The following OR2C1 variants were observed in gnomAD, a reference collection of about 807,000 sequenced individuals.
OR2C1 encodes the protein olfactory receptor 2C1.
For missense variants in OR2C1, 468 were observed against 388.3 expected, an observed-to-expected ratio of 1.21 and a Z score of -1.73; for synonymous variants, 209 against 167.3, an observed-to-expected ratio of 1.25 and a Z score of -1.92.
chr16:3,339,555 T>G, the OR2C1 span, among the ~76,000 whole-genome samples: 1 of 152,100 alleles, frequency 6.6e-6, no homozygotes, highest in South Asian at 2.1e-4. Flanking sequence ...CTCCTGGGTT[T>G]ACGACATTCT....
At chr16:3,324,032 C>T in the OR2C1 span, 67 of 418,514 alleles carry the variant, frequency 1.6e-4, 1 homozygote, top group East Asian at 1.8e-3. Context: ...TTTGTACAAT[C>T]AACTGAATGA....
chr16:3,348,892 C>T, the OR2C1 span, among the ~76,000 whole-genome samples: 2 of 151,434 alleles, frequency 1.3e-5, no homozygotes, highest in African/African-American at 4.9e-5. Flanking sequence ...TATGTTGGAA[C>T]CAGAGAACTG....
the OR2C1 span, among the ~76,000 whole-genome samples, chr16:3,346,102 C>T: frequency 6.6e-5 from 10 of 152,196 alleles, no homozygotes; most frequent in Non-Finnish European, 1.2e-4. Context: ...CCAAAGTGCT[C>T]GGATTGCAGG....
chr16:3,334,926 C>G, the OR2C1 span, among the ~76,000 whole-genome samples: 1 of 151,926 alleles, frequency 6.6e-6, no homozygotes, highest in Non-Finnish European at 1.5e-5. Flanking sequence ...TCAAGTGATT[C>G]TCCTGCCTTA....
rs1025051378 is a variant in OR2C1, at chr16:3,356,606, T to G, written c.666T>G (p.Ala222=). The change falls in exon 1 of 1, where the codon GCT becomes GCG. Residue 222 remains alanine (A), a synonymous_variant. Transcript: ENST00000304936. ...SIIVISYCLI[A]QAVLKIRSAE... ...TCGTGATCTCCTACTGCCTCATTGC[T>G]CAGGCAGTGCTGAAAATCCGCTCTG... is the stretch of plus-strand genomic sequence containing the variant. 19 of 1,614,158 alleles carry G rather than the reference T, an allele frequency of 1.2e-5. No individual in the cohort carries two copies. The highest frequency in any genetic ancestry group is 1.6e-5 in the Non-Finnish European group (19 of 1,180,038).
At chr16:3,348,843 C>T in the OR2C1 span, among the ~76,000 whole-genome samples, 2 of 152,100 alleles carry the variant, frequency 1.3e-5, no homozygotes, top group Non-Finnish European at 2.9e-5. Flanking sequence ...CACAGGGTGC[C>T]CTGTGAGTGT....
At chr16:3,335,267 G>A in the OR2C1 span, among the ~76,000 whole-genome samples, 5 of 152,154 alleles carry the variant, frequency 3.3e-5, no homozygotes, top group Non-Finnish European at 5.9e-5. Flanking sequence ...ATTGCTTTGG[G>A]TAGTATTGTC....
chr16:3,342,084 C>G, the OR2C1 span, among the ~76,000 whole-genome samples: 1 of 152,144 alleles, frequency 6.6e-6, no homozygotes, highest in Non-Finnish European at 1.5e-5. Flanking sequence ...AACCCCATCT[C>G]TACTAAAAAT....
At chr16:3,339,900 C>T in the OR2C1 span, among the ~76,000 whole-genome samples, 7 of 152,178 alleles carry the variant, frequency 4.6e-5, no homozygotes, top group African/African-American at 1.7e-4. Context: ...TCCCCAATGA[C>T]TAATGATCTT....
rs2030693945 is a variant in OR2C1 at position 3,357,061 on chromosome 16, A to C, written c.*182A>C. The C allele has an allele frequency of 1.7e-6, 1 of 600,300 alleles. No homozygotes were observed. The highest frequency in any genetic ancestry group is 2.2e-5 in the South Asian group (1 of 44,478). 37.2% of individuals were successfully genotyped at this position (600,300 alleles called of 1,614,324 possible). A position where few individuals can be genotyped will look rare whatever the true frequency, so the allele number is the denominator to read the frequency against. Reference sequence around the variant, plus strand: ...GTTAGTGTTATTCGTAATGTTCTACACTTATTTACCAAAAATCCTACTGTG... The same window carrying C: ...GTTAGTGTTATTCGTAATGTTCTACCCTTATTTACCAAAAATCCTACTGTG... On this transcript the variant is annotated 3_prime_UTR_variant, in exon 1 of 1. Coordinates refer to ENST00000304936, the MANE Select transcript of OR2C1 (RefSeq NM_012368.3).
At chr16:3,324,096 A>G in the OR2C1 span, among the ~76,000 whole-genome samples, 1 of 152,384 alleles carries the variant, frequency 6.6e-6, no homozygotes, top group East Asian at 1.9e-4. Flanking sequence ...GTTCACAAAG[A>G]CAAAATTAAA....
the OR2C1 span, among the ~76,000 whole-genome samples, chr16:3,330,629 T>C: frequency 6.6e-5 from 10 of 152,334 alleles, no homozygotes; most frequent in South Asian, 2.1e-4. Context: ...TATGTGATGA[T>C]TGAATACATT....
At chr16:3,328,027 A>G in the OR2C1 span, among the ~76,000 whole-genome samples, 2 of 152,172 alleles carry the variant, frequency 1.3e-5, no homozygotes, top group Non-Finnish European at 2.9e-5. Flanking sequence ...TCCCTATTCT[A>G]CTTTCTTCCT....
At chr16:3,330,568 C>T in the OR2C1 span, among the ~76,000 whole-genome samples, 1 of 151,880 alleles carries the variant, frequency 6.6e-6, no homozygotes, top group Non-Finnish European at 1.5e-5. Context: ...TTTTTTTTGC[C>T]TTGTGAACCA....
At chr16:3,327,183 A>G in the OR2C1 span, among the ~76,000 whole-genome samples, 1 of 152,006 alleles carries the variant, frequency 6.6e-6, no homozygotes, top group Non-Finnish European at 1.5e-5. Flanking sequence ...GAACCCCCTC[A>G]AGGCCTTAAA....
the OR2C1 span, among the ~76,000 whole-genome samples, chr16:3,336,606 C>G: frequency 6.6e-6 from 1 of 151,400 alleles, no homozygotes; most frequent in Middle Eastern, 3.4e-3. Flanking sequence ...GGTGATCTGA[C>G]TGCCTCGGCC....
At chr16:3,331,125 C>A in the OR2C1 span, among the ~76,000 whole-genome samples, 2 of 152,174 alleles carry the variant, frequency 1.3e-5, no homozygotes, top group Non-Finnish European at 2.9e-5. Context: ...ATTTGCATTT[C>A]TCTGATGGCC....
At chr16:3,348,602 G>A in the OR2C1 span, among the ~76,000 whole-genome samples, 17 of 152,268 alleles carry the variant, frequency 1.1e-4, no homozygotes, top group African/African-American at 3.9e-4. Flanking sequence ...ACTTGCTGGG[G>A]CCAGGCCCAC....
At chr16:3,332,323 T>A in the OR2C1 span, among the ~76,000 whole-genome samples, 1 of 152,128 alleles carries the variant, frequency 6.6e-6, no homozygotes. Context: ...CTTGAATTCC[T>A]GGACTCAAGT....
Sources: allele counts gnomAD v4.1 joint callset (sites outside exome capture counted in the v4.1 genomes callset), GRCh38; gene constraint gnomAD v4.1.1; transcripts MANE v1.5; gene names NCBI Gene and HGNC (gene_info 2026-07-23, HGNC 2026-07-21).